PER2: variants seen among roughly 807,000 people sequenced by gnomAD.
The protein encoded by PER2 is period circadian regulator 2, also known as period circadian protein homolog 2.
In PER2, 66 loss-of-function variants were observed where a neutral mutation model predicts 121.0. The observed-to-expected ratio is 0.55, with a 90% CI of 0.45 to 0.67. The LOEUF (loss-of-function observed/expected upper bound fraction) is 0.67, where lower values mean the gene tolerates loss of function less well. Among genes scored for constraint, PER2 ranks in the 30% least tolerant of loss-of-function variants. The pLI is 0.00. For synonymous variants in PER2, 684 were observed against 659.9 expected, an observed-to-expected ratio of 1.04 and a Z score of -0.56; for missense variants, 1,521 against 1,635.0, an observed-to-expected ratio of 0.93 and a Z score of 1.20.
In PER2 at chr2:238,251,621, G is replaced by A. The variant is rs764150679; in HGVS notation, c.3252C>T (p.Cys1084=). ...SESLGSGSLG[C]DASPSGAGSS... ...TACCTGCCCCACTCGGGGAGGCGTC[G>A]CAGCCCAGTGAGCCGGAGCCCAGAG... The change falls in exon 20 of 23, where the codon TGC becomes TGT. Residue 1084 remains cysteine (C), a synonymous_variant. Coordinates refer to ENST00000254657, the MANE Select transcript of PER2 (RefSeq NM_022817.3). 2.5e-5 allele frequency: 40 copies of A among 1,613,986 alleles called. No homozygotes were observed. Among genetic ancestry groups the A allele is most frequent in the Non-Finnish European group, 3.1e-5 (36 of 1,179,974 alleles).
chr2:238,250,058 AG>A (rs1226980981), intron 21 of PER2, among the ~76,000 whole-genome samples: 3 of 152,240 alleles, frequency 2.0e-5, no homozygotes, highest in Non-Finnish European at 4.4e-5. Flanking sequence ...CCGCAGGGGA[AG>A]GGACCACATG....
rs1413553582 is a variant in PER2 at position 238,260,012 on chromosome 2, A to G, written c.1584T>C (p.His528=). Residue 528 remains histidine (H), a synonymous_variant, in exon 14 of 23, where the codon CAT becomes CAC. Transcript: ENST00000254657. ...KNGNKTKNRS[H]YSHESGEQKK... ...TTTGTTCTCCAGATTCATGAGAATA[A>G]TGACTTCTATTTTTGGTCTTGTTAC... 4.0e-6 allele frequency: 6 copies of G among 1,512,032 alleles called. No homozygotes were observed. Among genetic ancestry groups the G allele is most frequent in the South Asian group, 3.5e-5 (3 of 86,882 alleles). 93.7% of individuals were successfully genotyped at this position (1,512,032 alleles called of 1,614,324 possible).
intron 21 of PER2, 146 bp downstream of exon 21, chr2:238,250,405 G>A: frequency 1.5e-6 from 1 of 687,342 alleles, no homozygotes; most frequent in Non-Finnish European, 2.6e-6. Flanking sequence ...TGTCCAGAGG[G>A]AAGCCTGCTT....
Position 238,245,397 on chromosome 2 carries a change from C to T in PER2, c.*978G>A, listed in dbSNP as rs899578532. The T allele has an allele frequency of 5.1e-6, 2 of 393,776 alleles. No individual in the cohort carries two copies. Among genetic ancestry groups the T allele is most frequent in the East Asian group, 7.2e-5 (2 of 27,856 alleles). 24.4% of individuals were successfully genotyped at this position (393,776 alleles called of 1,614,324 possible). On this transcript the variant is annotated 3_prime_UTR_variant, in exon 23 of 23. Transcript: ENST00000254657. ...TGAGCTCACTGCACCCCTGAAAATACAGATGCAGTCGCAAGCTGTCAGACT... is the reference window on the plus strand; with the variant it reads ...TGAGCTCACTGCACCCCTGAAAATATAGATGCAGTCGCAAGCTGTCAGACT...
chr2:238,255,238 G>A (rs567786704), intron 18 of PER2: 3 of 304,036 alleles, frequency 9.9e-6, no homozygotes, highest in Non-Finnish European at 1.9e-5. Context: ...GCATCTCCTG[G>A]GGAGAAGGGC....
At position 238,262,978 on chromosome 2, in the gene PER2, G is replaced by GGT; in HGVS notation, c.1126_1127insAC (p.Pro376HisfsTer3). 4 of 1,613,296 alleles carry GGT rather than the reference G, an allele frequency of 2.5e-6. No homozygotes were observed. The highest frequency in any genetic ancestry group is 3.4e-6 in the Non-Finnish European group (4 of 1,179,252). ...CTTTTTGTGGATGGCCAGCATCAAG[G>GGT]GCCTGTCACTAGGGTGGAGCTGCAC... On this transcript the variant is annotated frameshift_variant, in exon 10 of 23. Transcript: ENST00000254657. LOFTEE classifies it high-confidence loss of function.
upstream of PER2, among the ~76,000 whole-genome samples, chr2:238,293,744 A>G (rs1167469001): frequency 1.3e-5 from 2 of 151,670 alleles, no homozygotes; most frequent in South Asian, 2.1e-4. Flanking sequence ...CAAAAAAAAA[A>G]AAAAGAAAGA....
intron 1 of PER2, among the ~76,000 whole-genome samples, chr2:238,279,593 C>T (rs1025353884): frequency 3.3e-5 from 5 of 152,200 alleles, no homozygotes; most frequent in South Asian, 2.1e-4. Flanking sequence ...CCGTTTGGCC[C>T]TTCCCAGGGC....
At chr2:238,251,442 G>T (rs1395625552) in intron 20 of PER2, among the ~76,000 whole-genome samples, 157 bp downstream of exon 20, 2 of 152,242 alleles carry the variant, frequency 1.3e-5, no homozygotes, top group African/African-American at 4.8e-5. Flanking sequence ...GCTGAACAGG[G>T]AGAGTGTGTC....
In PER2 at chr2:238,288,551, T is replaced by C. The variant is rs531183341; in HGVS notation, c.-222A>G. 1 of 151,592 alleles carries C rather than the reference T, an allele frequency of 6.6e-6. No individual in the cohort carries two copies. The highest frequency in any genetic ancestry group is 1.5e-5 in the Non-Finnish European group (1 of 67,794). The allele number at this position is 151,592 out of a possible 1,614,324, so 9.4% of individuals were successfully genotyped here. ...AAGGAACTTCCGGCGGCGCCTCCGC[T>C]GCCCGAGCCGGCGCTGGGACCCCGA... On this transcript the variant is annotated 5_prime_UTR_variant, in exon 1 of 23. Coordinates refer to ENST00000254657, the MANE Select transcript of PER2 (RefSeq NM_022817.3).
intron 1 of PER2, among the ~76,000 whole-genome samples, chr2:238,284,441 CAA>C (rs199867354): frequency 5.4e-4 from 45 of 83,062 alleles, no homozygotes; most frequent in Admixed American, 5.7e-4. Flanking sequence ...GACTCTATCT[CAA>C]AAAAAAAAAA....
At chr2:238,277,659 T>C in intron 2 of PER2, 48 bp downstream of exon 2, 1 of 1,607,824 alleles carries the variant, frequency 6.2e-7, no homozygotes, top group South Asian at 1.1e-5. Context: ...AATGAGCCAC[T>C]GAGAAAACAA....
chr2:238,299,695 G>C, the PER2 span: 1 of 152,252 alleles, frequency 6.6e-6, no homozygotes, highest in Non-Finnish European at 1.5e-5. Flanking sequence ...CAATTGAGTA[G>C]ATAAGCTGAG....
rs1278459715 is a variant in PER2, at chr2:238,259,875, T to C, written c.1627+94A>G. On this transcript the variant is annotated intron_variant, in intron 14 of 22. Coordinates refer to ENST00000254657, the MANE Select transcript of PER2 (RefSeq NM_022817.3). ...TGACACGGCTACAAGGTAGACTCCC[T>C]GCCAGCCAGAGTCAGCATTTAACCC... 26 of 705,404 alleles carry C rather than the reference T, an allele frequency of 3.7e-5. No individual in the cohort carries two copies. The East Asian group carries it at 6.5e-4, about 18-fold the overall frequency. 43.7% of individuals were successfully genotyped at this position (705,404 alleles called of 1,614,324 possible). A position where few individuals can be genotyped will look rare whatever the true frequency, so the allele number is the denominator to read the frequency against.
In PER2 at chr2:238,278,674, C is replaced by T. The variant is rs151215194; in HGVS notation, c.-19-719G>A. ...TTCAGAAATCTTGGCCATTACAGCA[C>T]GGCACAGTTACAGGAGGAGGAGCCA... On this transcript the variant is annotated intron_variant, in intron 1 of 22. Transcript: ENST00000254657. Among the ~76,000 whole-genome samples the T allele has an allele frequency of 8.3e-4, 126 of 152,226 alleles. 3 individuals are homozygous for T. In the East Asian group the frequency reaches 0.018, roughly 22 times the overall value.
Position 238,255,889 on chromosome 2 carries a change from A to C in PER2, c.2088T>G (p.Ser696Arg). 6.2e-7 allele frequency: 1 copy of C among 1,614,142 alleles called. No homozygotes were observed. Among genetic ancestry groups the C allele is most frequent in the Non-Finnish European group, 8.5e-7 (1 of 1,180,022 alleles). Residue 696 changes from serine to arginine, a missense_variant, in exon 18 of 23, where the codon AGT (serine) becomes AGG (arginine). Ser to Arg is a moderately radical substitution (Grantham distance 110). Transcript: ENST00000254657. Reference sequence around the variant, plus strand: ...CCAGGCAGTCCAGGGATTCTGGCCCACTCGCAGCATCTTCCACCATCTCTG... The same window carrying C: ...CCAGGCAGTCCAGGGATTCTGGCCCCCTCGCAGCATCTTCCACCATCTCTG... ...PELEMVEDAA[S>R]GPESLDCLAG... is the part of the protein sequence containing the mutation.
intron 6 of PER2, 39 bp downstream of exon 6, chr2:238,271,273 G>T: frequency 6.3e-7 from 1 of 1,576,394 alleles, no homozygotes; most frequent in Non-Finnish European, 8.7e-7. Flanking sequence ...CCCCTTTCCC[G>T]ACCCCAGAGG....
At chr2:238,278,264 T>C (rs1303279634) in intron 1 of PER2, among the ~76,000 whole-genome samples, 1 of 151,854 alleles carries the variant, frequency 6.6e-6, no homozygotes, top group Non-Finnish European at 1.5e-5. Context: ...AGAGACAGGG[T>C]TTTGCCATGT....
intron 22 of PER2, among the ~76,000 whole-genome samples, chr2:238,248,488 T>G (rs1405195886): frequency 6.6e-6 from 1 of 152,150 alleles, no homozygotes; most frequent in African/African-American, 2.4e-5. Flanking sequence ...GGTTTTTTTT[T>G]GTAAAATAGA....
Sources: allele counts gnomAD v4.1 joint callset (sites outside exome capture counted in the v4.1 genomes callset), GRCh38; gene constraint gnomAD v4.1.1; transcripts MANE v1.5; gene names NCBI Gene and HGNC (gene_info 2026-07-23, HGNC 2026-07-21).